The following RERE variants were observed in gnomAD, a reference collection of about 807,000 sequenced individuals.
The protein encoded by RERE is arginine-glutamic acid dipeptide repeats protein.
Under a neutral mutation model 146.1 loss-of-function variants are expected in RERE, and 40 were observed. The observed-to-expected ratio is 0.27, with a 90% CI of 0.21 to 0.36. RERE has a LOEUF of 0.36. Among genes scored for constraint, RERE ranks in the 10% least tolerant of loss-of-function variants. RERE has a pLI of 1.00. For missense variants in RERE, 1,933 were observed against 2,138.7 expected (o/e 0.90, Z 1.90); for synonymous variants, 1,003 against 866.0 (o/e 1.16, Z -2.78).
At chr1:8,554,550 G>A (rs1329659034) in intron 6 of RERE, among the ~76,000 whole-genome samples, 1 of 151,770 alleles carries the variant, frequency 6.6e-6, no homozygotes, top group Non-Finnish European at 1.5e-5. Flanking sequence ...AGCCAGGTGT[G>A]GTGGTGCACA....
chr1:8,461,164 T>C (rs964500287), intron 11 of RERE, among the ~76,000 whole-genome samples: 1 of 152,116 alleles, frequency 6.6e-6, no homozygotes, highest in Non-Finnish European at 1.5e-5. Flanking sequence ...TTGAATGTGT[T>C]CATCATGTTT....
Position 8,622,499 on chromosome 1 carries a change from A to AC in RERE, c.396+1810_396+1811insG, listed in dbSNP as rs1393143752. ...GCTGTATCTGTTTAAAAAAAAAAAA[A>AC]AAAAAAAAAAAACACACTTTGGAAG... is the stretch of plus-strand genomic sequence containing the variant. On this transcript the variant is annotated intron_variant, in intron 3 of 22. Transcript: ENST00000400908. 3.8e-5 allele frequency among the ~76,000 whole-genome samples: 5 copies of AC among 133,018 alleles called. No homozygotes were observed. In the East Asian group the frequency reaches 8.5e-4, roughly 23 times the overall value. The allele number at this position is 133,018 out of a possible 152,430, so 87.3% of individuals were successfully genotyped here. A position where few individuals can be genotyped will look rare whatever the true frequency, so the allele number is the denominator to read the frequency against.
At chr1:8,637,377 C>A (rs1034752666) in intron 2 of RERE, among the ~76,000 whole-genome samples, 1 of 152,164 alleles carries the variant, frequency 6.6e-6, no homozygotes, top group South Asian at 2.1e-4. Context: ...CTCAGTCTCC[C>A]CTCTTTCATA....
At chr1:8,441,600 G>C (rs915903908) in intron 11 of RERE, among the ~76,000 whole-genome samples, 1 of 152,232 alleles carries the variant, frequency 6.6e-6, no homozygotes, top group African/African-American at 2.4e-5. Flanking sequence ...CCTAGTGGAA[G>C]TGTCATCTGA....
chr1:8,380,635 C>T (rs982660321), intron 12 of RERE: 1 of 357,926 alleles, frequency 2.8e-6, no homozygotes, highest in Non-Finnish European at 5.5e-6. Flanking sequence ...GCGTGAGCCA[C>T]CAAGCCTGGC....
At chr1:8,465,655 CT>C (rs762007912) in intron 11 of RERE, 8 of 525,298 alleles carry the variant, frequency 1.5e-5, no homozygotes, top group South Asian at 8.2e-5. Context: ...TTCAAATTAA[CT>C]TTTTTTAGGA....
chr1:8,658,847 G>A (rs1452775682), intron 1 of RERE, among the ~76,000 whole-genome samples: 3 of 152,104 alleles, frequency 2.0e-5, no homozygotes, highest in African/African-American at 4.8e-5. Context: ...TCTCTGCAGC[G>A]CTCTTAGGTC....
chr1:8,622,485 TTAA>T lies in RERE; in HGVS notation c.396+1822_396+1824del, dbSNP rs1295313103. On this transcript the variant is annotated intron_variant, in intron 3 of 22. Transcript: ENST00000400908. ...TTTCAGGTGTCAGTGCTGTATCTGT[TTAA>T]AAAAAAAAAAAAAAAAAAAAAAACA... 1.7e-3 allele frequency among the ~76,000 whole-genome samples: 121 copies of T among 69,400 alleles called. No individual in the cohort carries two copies. In the East Asian group the frequency reaches 0.022, roughly 12 times the overall value. 45.5% of individuals were successfully genotyped at this position (69,400 alleles called of 152,430 possible).
intron 11 of RERE, among the ~76,000 whole-genome samples, chr1:8,458,121 C>T (rs1180007350): frequency 1.3e-5 from 2 of 152,128 alleles, no homozygotes; most frequent in Non-Finnish European, 2.9e-5. Context: ...AAAACTGACT[C>T]CAATTCTGTT....
At position 8,635,976 on chromosome 1, in the gene RERE, T is replaced by A. The variant is rs1167261672; in HGVS notation, c.326-11596A>T. Among the ~76,000 whole-genome samples the A allele has an allele frequency of 8.4e-5, 8 of 95,004 alleles. No homozygotes were observed. The East Asian group carries it at 2.1e-3, about 24-fold the overall frequency. 62.3% of individuals were successfully genotyped at this position (95,004 alleles called of 152,430 possible). On this transcript the variant is annotated intron_variant, in intron 2 of 22. Coordinates refer to ENST00000400908, the MANE Select transcript of RERE (RefSeq NM_001042681.2). ...TCTTATCTTATCTTATCTTATCTTA[T>A]CTTATTTTATTTTATTTTATTTTAT...
chr1:8,710,282 C>T (rs563792701), intron 1 of RERE, among the ~76,000 whole-genome samples: 5 of 152,248 alleles, frequency 3.3e-5, no homozygotes, highest in African/African-American at 1.2e-4. Context: ...TTGCAATCTA[C>T]GTAATATACT....
intron 1 of RERE, among the ~76,000 whole-genome samples, chr1:8,772,440 T>C (rs10864366): frequency 0.78 from 117,889 of 152,038 alleles, 46,415 homozygotes; most frequent in East Asian, 0.95. Flanking sequence ...AACTTTACAA[T>C]GGCTTTGAGG....
rs549654981 is a variant in RERE at position 8,551,251 on chromosome 1, T to G, written c.725+5224A>C. 1.2e-4 allele frequency among the ~76,000 whole-genome samples: 18 copies of G among 152,352 alleles called. No individual in the cohort carries two copies. In the South Asian group the frequency reaches 3.7e-3, roughly 32 times the overall value. On this transcript the variant is annotated intron_variant, in intron 6 of 22. Transcript: ENST00000400908. ...CCACAATCAATACTGGAGAATGCAC[T>G]GATGCGAGTACACAATAAACCCAAG...
chr1:8,586,462 T>C (rs924756180), intron 4 of RERE, among the ~76,000 whole-genome samples: 2 of 152,220 alleles, frequency 1.3e-5, no homozygotes, highest in Non-Finnish European at 2.9e-5. Context: ...GTATCTGTGT[T>C]TTATTCTACA....
At chr1:8,376,884 G>T (rs1642276797) in intron 12 of RERE, among the ~76,000 whole-genome samples, 1 of 152,150 alleles carries the variant, frequency 6.6e-6, no homozygotes, top group South Asian at 2.1e-4. Context: ...GGATCCCAGG[G>T]TGGGTCTGCT....
In RERE at chr1:8,541,293, A is replaced by C; in HGVS notation, c.751T>G (p.Ser251Ala). The change falls in exon 7 of 23, where the codon TCT (serine) becomes GCT (alanine). Residue 251 changes from serine to alanine, a missense_variant. By Grantham distance (99) the Ser-to-Ala change is moderately conservative. Transcript: ENST00000400908. ...LRGKCNISHF[S>A]DIFAAREFKA... ...AACTCTCTAGCAGCAAATATGTCAG[A>C]AAAATGGGAGATGTTACACTTCCCT... is the stretch of plus-strand genomic sequence containing the variant. 1 of 1,609,632 alleles carries C rather than the reference A, an allele frequency of 6.2e-7. No homozygotes were observed. Among genetic ancestry groups the C allele is most frequent in the South Asian group, 1.1e-5 (1 of 90,782 alleles).
At chr1:8,520,017 T>A (rs932705099) in intron 7 of RERE, among the ~76,000 whole-genome samples, 1 of 152,150 alleles carries the variant, frequency 6.6e-6, no homozygotes, top group African/African-American at 2.4e-5. Context: ...AAACGTAGGT[T>A]TGATTAAACT....
At chr1:8,723,032 C>A (rs1347113119) in intron 1 of RERE, among the ~76,000 whole-genome samples, 1 of 152,170 alleles carries the variant, frequency 6.6e-6, no homozygotes, top group Non-Finnish European at 1.5e-5. Flanking sequence ...CTACTGACAG[C>A]ACAAACGATT....
At chr1:8,616,218 T>A (rs1646851073) in intron 3 of RERE, among the ~76,000 whole-genome samples, 1 of 152,254 alleles carries the variant, frequency 6.6e-6, no homozygotes, top group East Asian at 1.9e-4. Flanking sequence ...TGGTAAAGCA[T>A]TTCCAGACAC....
Sources: gnomAD v4.1 joint callset for allele counts (sites outside exome capture counted in the v4.1 genomes callset) on GRCh38, gnomAD v4.1.1 for gene constraint, MANE v1.5 for transcripts, NCBI Gene and HGNC (gene_info 2026-07-23, HGNC 2026-07-21) for gene names.